The following DNAH14 variants were observed in gnomAD, a reference collection of about 807,000 sequenced individuals.
DNAH14 encodes the protein axonemal beta dynein heavy chain 14.
Under a neutral mutation model 520.9 loss-of-function variants are expected in DNAH14, and 478 were observed. The observed-to-expected ratio is 0.92, with a 90% CI of 0.85 to 0.99. The LOEUF (loss-of-function observed/expected upper bound fraction) is 0.99. Ranked by LOEUF, DNAH14 falls within the 50% of genes least tolerant of loss-of-function variation. The pLI is 0.00. For missense variants in DNAH14, 4,831 were observed against 5,234.5 expected (o/e 0.92, Z 2.38); for synonymous variants, 1,581 against 1,757.2 (o/e 0.90, Z 2.51).
In DNAH14 at chr1:225,051,716, T is replaced by C. The variant is rs1448959098; in HGVS notation, c.2345T>C (p.Leu782Pro). 10 of 1,551,216 alleles carry C rather than the reference T, an allele frequency of 6.4e-6. No individual in the cohort carries two copies. The South Asian group carries it at 1.1e-4, about 17-fold the overall frequency. ...CTTGATTATCAATCAGAATGCTTAC[T>C]GTATATTGACAACGTCATACATATG... ...VSLDYQSECL[L>P]YIDNVIHMSH... is the part of the protein sequence containing the mutation. The change falls in exon 17 of 86, where the codon CTG becomes CCG. Residue 782 changes from leucine (L) to proline (P), a missense_variant. Physicochemically the swap from Leu to Pro is moderately conservative, Grantham distance 98. Coordinates refer to ENST00000682510, the MANE Select transcript of DNAH14 (RefSeq NM_001367479.1).
At chr1:225,153,004 C>T in intron 33 of DNAH14, 121 bp downstream of exon 33, 1 of 1,030,934 alleles carries the variant, frequency 9.7e-7, no homozygotes, top group Non-Finnish European at 1.4e-6. Flanking sequence ...AGCTAGAATT[C>T]CTATCAAAAT....
intron 41 of DNAH14, among the ~76,000 whole-genome samples, chr1:225,208,626 A>G (rs2087919251): frequency 6.6e-6 from 1 of 152,204 alleles, no homozygotes; most frequent in Non-Finnish European, 1.5e-5. Flanking sequence ...TCAGGAAATA[A>G]TTGCCTAGGA....
chr1:225,193,061 T>C, intron 38 of DNAH14, 150 bp downstream of exon 38: 1 of 633,990 alleles, frequency 1.6e-6, no homozygotes, highest in Non-Finnish European at 2.5e-6. Flanking sequence ...AAGAGAAAAA[T>C]TATGTTATTA....
intron 37 of DNAH14, among the ~76,000 whole-genome samples, chr1:225,192,430 G>A (rs1433306832): frequency 6.6e-6 from 1 of 152,050 alleles, no homozygotes; most frequent in East Asian, 1.9e-4. Flanking sequence ...TTTATATACT[G>A]TGTTCCTGGA....
chr1:225,031,366 G>T (rs2066509480), intron 11 of DNAH14, among the ~76,000 whole-genome samples: 2 of 151,944 alleles, frequency 1.3e-5, no homozygotes, highest in African/African-American at 4.8e-5. Flanking sequence ...AGTTTTGTTG[G>T]ACTATAGCCA....
chr1:225,380,770 C>G (rs1159156024), intron 80 of DNAH14, among the ~76,000 whole-genome samples: 1 of 152,186 alleles, frequency 6.6e-6, no homozygotes, highest in Admixed American at 6.5e-5. Flanking sequence ...TGACTCCAAA[C>G]CCAGCTCTAA....
chr1:224,973,724 T>C (rs1183708968), intron 7 of DNAH14, among the ~76,000 whole-genome samples: 5 of 152,226 alleles, frequency 3.3e-5, no homozygotes, highest in African/African-American at 1.2e-4. Flanking sequence ...ATGTACCTTT[T>C]CATTATCACT....
intron 42 of DNAH14, among the ~76,000 whole-genome samples, chr1:225,236,231 G>T (rs1401955009): frequency 6.6e-6 from 1 of 152,052 alleles, no homozygotes; most frequent in Non-Finnish European, 1.5e-5. Context: ...TTATCTGTTT[G>T]TTTGCATTAG....
chr1:224,992,791 A>G (rs997765362), intron 8 of DNAH14, among the ~76,000 whole-genome samples: 41 of 152,028 alleles, frequency 2.7e-4, no homozygotes, highest in African/African-American at 9.9e-4. Context: ...CTCAGAAAGT[A>G]CTTCAATTTT....
rs546517808 is a variant in DNAH14, at chr1:225,179,832, G to T, written c.5536-5459G>T. Reference sequence around the variant, plus strand: ...GAATCCCCTCAGCTGTTTCATGTCTGAGAAAGTTTTTAACTCTCCTTCATG... The same window carrying T: ...GAATCCCCTCAGCTGTTTCATGTCTTAGAAAGTTTTTAACTCTCCTTCATG... On this transcript the variant is annotated intron_variant, in intron 36 of 85. Coordinates refer to ENST00000682510, the MANE Select transcript of DNAH14 (RefSeq NM_001367479.1). Among the ~76,000 whole-genome samples the T allele has an allele frequency of 2.6e-5, 4 of 152,198 alleles. No homozygotes were observed. The South Asian group carries it at 8.3e-4, about 32-fold the overall frequency.
chr1:224,978,912 A>G (rs1349675700), intron 8 of DNAH14, among the ~76,000 whole-genome samples: 1 of 152,140 alleles, frequency 6.6e-6, no homozygotes, highest in African/African-American at 2.4e-5. Context: ...AAGTACTGGG[A>G]TTACAGGCAA....
intron 3 of DNAH14, among the ~76,000 whole-genome samples, chr1:224,956,566 C>A (rs2060527743): frequency 6.6e-6 from 1 of 152,078 alleles, no homozygotes; most frequent in Admixed American, 6.6e-5. Flanking sequence ...TAAGTGCACT[C>A]TTAGATGTTT....
At chr1:225,364,621 G>A (rs542036419) in intron 75 of DNAH14, among the ~76,000 whole-genome samples, 171 bp from the exon 76 acceptor site, 8 of 152,114 alleles carry the variant, frequency 5.3e-5, no homozygotes, top group Non-Finnish European at 1.2e-4. Flanking sequence ...TGTAACTGAT[G>A]GGTCGTGTGC....
intron 32 of DNAH14, 77 bp from the exon 33 acceptor site, chr1:225,152,619 TG>T (rs1053416919): frequency 2.3e-6 from 3 of 1,289,520 alleles, no homozygotes; most frequent in Non-Finnish European, 3.1e-6. Flanking sequence ...ATAATTATTT[TG>T]GGGAAAAGTA....
chr1:225,281,897 GATA>G (rs1370262996), intron 54 of DNAH14, among the ~76,000 whole-genome samples: 1 of 152,110 alleles, frequency 6.6e-6, no homozygotes, highest in African/African-American at 2.4e-5. Context: ...TGTACAGTAT[GATA>G]ATGATAGTTA....
chr1:224,948,371 C>T (rs955520799), intron 1 of DNAH14, among the ~76,000 whole-genome samples: 1 of 151,350 alleles, frequency 6.6e-6, no homozygotes, highest in African/African-American at 2.4e-5. Flanking sequence ...TACCTTTTTT[C>T]TGATATGAAT....
chr1:225,090,807 T>G (rs2074312665), intron 21 of DNAH14, among the ~76,000 whole-genome samples: 1 of 152,172 alleles, frequency 6.6e-6, no homozygotes, highest in Non-Finnish European at 1.5e-5. Context: ...TTTTGTGACC[T>G]TGCTTTAGGC....
At chr1:224,984,884 T>G (rs2062522295) in intron 8 of DNAH14, among the ~76,000 whole-genome samples, 1 of 152,188 alleles carries the variant, frequency 6.6e-6, no homozygotes, top group Admixed American at 6.5e-5. Context: ...ACATCACTAA[T>G]GATCAGGGAA....
chr1:225,104,628 C>T (rs1305985465), intron 23 of DNAH14, among the ~76,000 whole-genome samples: 2 of 152,062 alleles, frequency 1.3e-5, no homozygotes, highest in Non-Finnish European at 2.9e-5. Context: ...GTGTATGTGT[C>T]AAGGAATTTA....
Sources: allele counts gnomAD v4.1 joint callset (sites outside exome capture counted in the v4.1 genomes callset), GRCh38; gene constraint gnomAD v4.1.1; transcripts MANE v1.5; gene names NCBI Gene and HGNC (gene_info 2026-07-23, HGNC 2026-07-21).